ZNF385B: variants seen among roughly 807,000 people sequenced by gnomAD.
The protein encoded by ZNF385B is zinc finger protein 533.
A neutral mutation model predicts 39.2 loss-of-function variants in ZNF385B; 23 were observed. The observed-to-expected ratio is 0.59, with a 90% CI of 0.42 to 0.83. The LOEUF (loss-of-function observed/expected upper bound fraction) is 0.83. Ranked by LOEUF, ZNF385B falls within the 40% of genes least tolerant of loss-of-function variation. The probability of loss-of-function intolerance (pLI) is 0.00; values close to 1 mark genes in which losing one functional copy is unlikely to be tolerated. For missense variants in ZNF385B, 552 were observed against 598.9 expected (o/e 0.92, Z 0.82); for synonymous variants, 205 against 222.6 (o/e 0.92, Z 0.70).
intron 3 of ZNF385B, among the ~76,000 whole-genome samples, chr2:179,647,721 T>A (rs1457478630): frequency 6.6e-6 from 1 of 152,070 alleles, no homozygotes; most frequent in Non-Finnish European, 1.5e-5. Flanking sequence ...AAACATACAC[T>A]AACAACATCA....
At chr2:179,601,486 T>C (rs988289) in intron 3 of ZNF385B, among the ~76,000 whole-genome samples, 24,444 of 152,086 alleles carry the variant, frequency 0.16, 2,387 homozygotes, top group African/African-American at 0.25. Flanking sequence ...TTTCTAAATC[T>C]AAGTATGATA....
At chr2:179,507,042 G>A (rs996243292) in intron 5 of ZNF385B, among the ~76,000 whole-genome samples, 1 of 152,040 alleles carries the variant, frequency 6.6e-6, no homozygotes, top group African/African-American at 2.4e-5. Flanking sequence ...AATTTGCTAT[G>A]AGCCCTAGAA....
At chr2:179,521,719 T>A (rs536161947) in intron 4 of ZNF385B, among the ~76,000 whole-genome samples, 12 of 152,088 alleles carry the variant, frequency 7.9e-5, no homozygotes, top group Non-Finnish European at 1.6e-4. Context: ...GCTCCTCCAG[T>A]TTATATATGT....
intron 1 of ZNF385B, among the ~76,000 whole-genome samples, chr2:179,795,105 T>C (rs1705575902): frequency 6.6e-6 from 1 of 152,046 alleles, no homozygotes; most frequent in South Asian, 2.1e-4. Context: ...TTTGAGTGAC[T>C]TTGAAGATAT....
chr2:179,521,715 C>T (rs1166631262), intron 4 of ZNF385B, among the ~76,000 whole-genome samples: 1 of 152,110 alleles, frequency 6.6e-6, no homozygotes, highest in Non-Finnish European at 1.5e-5. Context: ...ATTGGCTCCT[C>T]CAGTTTATAT....
chr2:179,506,534 T>C (rs1357429551), intron 5 of ZNF385B, among the ~76,000 whole-genome samples: 1 of 152,164 alleles, frequency 6.6e-6, no homozygotes, highest in Non-Finnish European at 1.5e-5. Flanking sequence ...TAATTTTGAT[T>C]GTATTAAAAT....
intron 3 of ZNF385B, among the ~76,000 whole-genome samples, chr2:179,735,798 C>T (rs527307111): frequency 2.7e-5 from 4 of 149,414 alleles, no homozygotes; most frequent in African/African-American, 7.4e-5. Flanking sequence ...AACCAAACAC[C>T]GCATATTCTC....
intron 5 of ZNF385B, among the ~76,000 whole-genome samples, chr2:179,496,263 T>C (rs2056192242): frequency 6.6e-6 from 1 of 151,822 alleles, no homozygotes; most frequent in Non-Finnish European, 1.5e-5. Context: ...AGCTTGAAAA[T>C]GGGCTATTTG....
At chr2:179,515,194 GT>G (rs559494961) in intron 5 of ZNF385B, among the ~76,000 whole-genome samples, 109 of 152,250 alleles carry the variant, frequency 7.2e-4, no homozygotes, top group Non-Finnish European at 1.4e-3. Flanking sequence ...AACATCTCTT[GT>G]TTTGAAGAAT....
chr2:179,721,740 T>C (rs956491537), intron 3 of ZNF385B, among the ~76,000 whole-genome samples: 1 of 151,994 alleles, frequency 6.6e-6, no homozygotes, highest in African/African-American at 2.4e-5. Flanking sequence ...AGGATAGCTA[T>C]TAAAAAAACT....
intron 4 of ZNF385B, among the ~76,000 whole-genome samples, chr2:179,537,802 G>A (rs1233357609): frequency 6.6e-6 from 1 of 151,332 alleles, no homozygotes; most frequent in Non-Finnish European, 1.5e-5. Context: ...AAATTTTCTA[G>A]GCATAGAAAT....
chr2:179,583,873 C>T (rs528575793), intron 3 of ZNF385B: 1 of 1,292,874 alleles, frequency 7.7e-7, no homozygotes, highest in Admixed American at 2.3e-5. Context: ...TCTTACTGCC[C>T]TCAGTCCACA....
chr2:179,604,510 A>G (rs1688648738), intron 3 of ZNF385B, among the ~76,000 whole-genome samples: 1 of 152,086 alleles, frequency 6.6e-6, no homozygotes, highest in South Asian at 2.1e-4. Flanking sequence ...AACTCCCAAC[A>G]ATCATTTCTG....
intron 3 of ZNF385B, among the ~76,000 whole-genome samples, chr2:179,750,354 C>T (rs1702601906): frequency 6.6e-6 from 1 of 152,116 alleles, no homozygotes; most frequent in African/African-American, 2.4e-5. Context: ...GGTACCAACT[C>T]TTATCCTTGC....
At chr2:179,825,594 A>T (rs1707635537) in intron 1 of ZNF385B, among the ~76,000 whole-genome samples, 1 of 152,156 alleles carries the variant, frequency 6.6e-6, no homozygotes, top group Non-Finnish European at 1.5e-5. Flanking sequence ...ATTACTTGTA[A>T]GGTTATCTTG....
At chr2:179,589,952 A>T (rs7566290) in intron 3 of ZNF385B, among the ~76,000 whole-genome samples, 5 of 152,194 alleles carry the variant, frequency 3.3e-5, no homozygotes, top group Non-Finnish European at 7.3e-5. Context: ...TATTCATTAA[A>T]CCGTCACCAA....
At chr2:179,678,020 T>A (rs1466270439) in intron 3 of ZNF385B, among the ~76,000 whole-genome samples, 2 of 152,152 alleles carry the variant, frequency 1.3e-5, no homozygotes, top group Non-Finnish European at 2.9e-5. Context: ...AATAGCTCTT[T>A]TTTTTTCTAT....
intron 3 of ZNF385B, among the ~76,000 whole-genome samples, chr2:179,754,868 T>C (rs1702909420): frequency 6.6e-6 from 1 of 152,172 alleles, no homozygotes; most frequent in Non-Finnish European, 1.5e-5. Flanking sequence ...TTTGTTGATC[T>C]TTTCAAAAAA....
chr2:179,609,189 A>T (rs950458095), intron 3 of ZNF385B, among the ~76,000 whole-genome samples: 11 of 152,022 alleles, frequency 7.2e-5, no homozygotes, highest in Non-Finnish European at 4.4e-5. Flanking sequence ...TTTTGTACCC[A>T]TTAACCATCC....
Sources: allele counts gnomAD v4.1 joint callset (sites outside exome capture counted in the v4.1 genomes callset), GRCh38; gene constraint gnomAD v4.1.1; transcripts MANE v1.5; gene names NCBI Gene and HGNC (gene_info 2026-07-23, HGNC 2026-07-21).